The following KAZN variants were observed in gnomAD, a reference collection of about 807,000 sequenced individuals.
KAZN encodes kazrin, periplakin interacting protein, also known as kazrin.
In KAZN, 40 loss-of-function variants were observed where a neutral mutation model predicts 87.4. The ratio of observed to expected loss-of-function variants is 0.46; its 90% CI spans 0.36 to 0.60. The LOEUF (loss-of-function observed/expected upper bound fraction) is 0.60. Ranked by LOEUF, KAZN falls within the 20% of genes least tolerant of loss-of-function variation. KAZN has a pLI of 0.00. For missense variants in KAZN, 898 were observed against 1,073.9 expected (o/e 0.84, Z 2.29); for synonymous variants, 466 against 458.3 (o/e 1.02, Z -0.22).
chr1:14,159,087 G>T (rs1372290366), intron 1 of KAZN, among the ~76,000 whole-genome samples: 4 of 152,152 alleles, frequency 2.6e-5, no homozygotes, highest in East Asian at 1.9e-4. Flanking sequence ...CTCACTCAAG[G>T]CCTGCTGTAA....
intron 1 of KAZN, among the ~76,000 whole-genome samples, chr1:14,005,960 G>C (rs1640018896): frequency 1.3e-5 from 2 of 152,170 alleles, no homozygotes; most frequent in Admixed American, 1.3e-4. Context: ...CTGTCAGCCT[G>C]AGAAGGAGCT....
intron 2 of KAZN, among the ~76,000 whole-genome samples, chr1:14,591,373 C>A (rs1360066684): frequency 2.6e-5 from 4 of 151,346 alleles, no homozygotes; most frequent in South Asian, 2.1e-4. Flanking sequence ...AGAACCCAGG[C>A]CAGCACACAT....
At chr1:14,707,705 G>GAAGCCCGTGA (rs1642282081) in intron 1 of KAZN, among the ~76,000 whole-genome samples, 1 of 152,108 alleles carries the variant, frequency 6.6e-6, no homozygotes, top group Admixed American at 6.5e-5. Context: ...TTTGTTTGTC[G>GAAGCCCGTGA]TGTCAGTCAT....
At chr1:14,402,921 G>T (rs1205014897) in intron 2 of KAZN, among the ~76,000 whole-genome samples, 1 of 151,856 alleles carries the variant, frequency 6.6e-6, no homozygotes, top group Non-Finnish European at 1.5e-5. Flanking sequence ...TCTGCCTCCT[G>T]GGTTCAAGTG....
At chr1:14,457,650 AT>A (rs1667636432) in intron 2 of KAZN, among the ~76,000 whole-genome samples, 1 of 152,112 alleles carries the variant, frequency 6.6e-6, no homozygotes, top group African/African-American at 2.4e-5. Flanking sequence ...TCAAACTGAA[AT>A]TTTTATTGGT....
At chr1:13,962,058 G>C (rs893716144) in intron 1 of KAZN, among the ~76,000 whole-genome samples, 1 of 152,264 alleles carries the variant, frequency 6.6e-6, no homozygotes, top group Non-Finnish European at 1.5e-5. Flanking sequence ...TGGCTGGAGC[G>C]TTGGCCATGC....
At chr1:14,929,507 T>C (rs1040283377) in intron 1 of KAZN, among the ~76,000 whole-genome samples, 2 of 152,186 alleles carry the variant, frequency 1.3e-5, no homozygotes, top group Non-Finnish European at 2.9e-5. Flanking sequence ...CACCCCTGGC[T>C]CTGGGGTTAG....
At chr1:14,772,362 T>C (rs894027742) in intron 1 of KAZN, among the ~76,000 whole-genome samples, 1 of 152,084 alleles carries the variant, frequency 6.6e-6, no homozygotes. Context: ...CATGCACCTG[T>C]GGTCCCAGCT....
chr1:14,750,108 C>A (rs1395019361), intron 1 of KAZN, among the ~76,000 whole-genome samples: 1 of 152,090 alleles, frequency 6.6e-6, no homozygotes, highest in Non-Finnish European at 1.5e-5. Flanking sequence ...ATGTAAGATG[C>A]GGCCATTGTG....
chr1:14,681,405 G>C (rs1383603225), intron 1 of KAZN, among the ~76,000 whole-genome samples: 1 of 151,174 alleles, frequency 6.6e-6, no homozygotes, highest in Non-Finnish European at 1.5e-5. Context: ...GGAATGGTGA[G>C]GTTGCCCGTG....
intron 1 of KAZN, among the ~76,000 whole-genome samples, chr1:14,959,734 C>T (rs1217573013): frequency 6.6e-6 from 1 of 152,192 alleles, no homozygotes; most frequent in African/African-American, 2.4e-5. Context: ...ACAGCCTGAT[C>T]ACTGCCTCCA....
At chr1:14,992,993 A>AT (rs35142163) in intron 2 of KAZN, among the ~76,000 whole-genome samples, 54,227 of 147,246 alleles carry the variant, frequency 0.37, 10,827 homozygotes, top group African/African-American at 0.54. Flanking sequence ...TTTTACCACA[A>AT]TTTTTTTTTT....
intron 8 of KAZN, among the ~76,000 whole-genome samples, chr1:15,092,073 A>ATTTTTTTTTTTTTTTT (rs58871336): frequency 4.0e-5 from 3 of 75,468 alleles, no homozygotes; most frequent in African/African-American, 5.5e-5. Flanking sequence ...TTTTTTTTTG[A>ATTTTTTTTTTTTTTTT]TTTTTTTTTT....
intron 6 of KAZN, chr1:15,062,274 C>G (rs1385907426): frequency 6.6e-6 from 1 of 152,660 alleles, no homozygotes; most frequent in Admixed American, 6.5e-5. Context: ...TTTCAGTGAG[C>G]AGGCCCCATT....
intron 1 of KAZN, among the ~76,000 whole-genome samples, chr1:14,674,938 C>T (rs1640126313): frequency 6.8e-6 from 1 of 146,074 alleles, no homozygotes; most frequent in African/African-American, 2.5e-5. Flanking sequence ...AGACACGCAC[C>T]ACCACACCCA....
At chr1:13,939,801 G>A (rs1640865081) in intron 1 of KAZN, among the ~76,000 whole-genome samples, 1 of 152,144 alleles carries the variant, frequency 6.6e-6, no homozygotes, top group African/African-American at 2.4e-5. Flanking sequence ...GCCTCAGGGA[G>A]CTTTCACTTA....
chr1:14,314,807 A>T (rs1655542484), intron 2 of KAZN, among the ~76,000 whole-genome samples: 1 of 152,158 alleles, frequency 6.6e-6, no homozygotes, highest in Non-Finnish European at 1.5e-5. Flanking sequence ...AAAAAATGTC[A>T]GAATCCATTA....
chr1:14,127,386 C>T (rs1644894680), intron 1 of KAZN, among the ~76,000 whole-genome samples: 1 of 140,202 alleles, frequency 7.1e-6, no homozygotes, highest in Non-Finnish European at 1.5e-5. Context: ...AAAAAGCATA[C>T]CCCTTTACTG....
rs891693272 is a variant in KAZN, at chr1:13,958,414, C to CA, written c.91+64668dup. On this transcript the variant is annotated intron_variant, in intron 1 of 16. Coordinates refer to the KAZN transcript ENST00000636203. ...TGAAACCCCGTCTCTACTAAAAATA[C>CA]AAAAAAAAAATTAGCCGGGCATAGT... 1.0e-3 allele frequency among the ~76,000 whole-genome samples: 153 copies of CA among 147,262 alleles called. 2 individuals carry two copies. The East Asian group carries it at 0.018, about 18-fold the overall frequency.
Sources: allele counts gnomAD v4.1 joint callset (sites outside exome capture counted in the v4.1 genomes callset), GRCh38; gene constraint gnomAD v4.1.1; transcripts MANE v1.5; gene names NCBI Gene and HGNC (gene_info 2026-07-23, HGNC 2026-07-21).